The following CIB1 variants were observed in gnomAD, a reference collection of about 807,000 sequenced individuals.
The protein encoded by CIB1 is calcium and integrin-binding protein 1.
Under a neutral mutation model 25.0 loss-of-function variants are expected in CIB1, and 19 were observed. The ratio of observed to expected loss-of-function variants is 0.76; its 90% confidence interval spans 0.53 to 1.12. CIB1 has a LOEUF of 1.12. CIB1 is among the 50% of genes most tolerant of loss of function. The pLI is 0.00. For missense variants in CIB1, 236 were observed against 242.6 expected (o/e 0.97, Z 0.18); for synonymous variants, 104 against 98.5 (o/e 1.06, Z -0.33).
At chr15:90,259,373 G>T in the CIB1 span, among the ~76,000 whole-genome samples, 558 of 151,582 alleles carry the variant, frequency 3.7e-3, 7 homozygotes, top group African/African-American at 0.012. Context: ...CTGGGCAACA[G>T]AGTGAGACCC....
At chr15:90,239,594 A>G in the CIB1 span, among the ~76,000 whole-genome samples, 1 of 152,180 alleles carries the variant, frequency 6.6e-6, no homozygotes, top group African/African-American at 2.4e-5. Flanking sequence ...AACAGCATGG[A>G]GGTGACCGCC....
chr15:90,262,599 G>C, the CIB1 span: 4 of 1,534,324 alleles, frequency 2.6e-6, no homozygotes, highest in Non-Finnish European at 3.5e-6. Flanking sequence ...GGGGAGAAAA[G>C]CCGACCCAGG....
chr15:90,253,255 G>A, the CIB1 span: 14 of 1,613,486 alleles, frequency 8.7e-6, no homozygotes, highest in East Asian at 2.2e-5. Context: ...GCAGTGCGTC[G>A]GGCAGCCCAA....
At chr15:90,263,955 C>T in the CIB1 span, 3 of 1,535,486 alleles carry the variant, frequency 2.0e-6, no homozygotes, top group Non-Finnish European at 2.6e-6. Context: ...AGCCCAAGAA[C>T]TTCAACTGGA....
At chr15:90,258,530 T>G in the CIB1 span, 4 of 614,914 alleles carry the variant, frequency 6.5e-6, no homozygotes, top group Non-Finnish European at 2.9e-6. Context: ...GGACACACTA[T>G]CTAGAGAGGC....
the CIB1 span, among the ~76,000 whole-genome samples, chr15:90,249,157 G>C: frequency 4.7e-4 from 68 of 143,632 alleles, no homozygotes; most frequent in African/African-American, 1.8e-3. Flanking sequence ...GCTGCAGTGA[G>C]CTATGATGGT....
chr15:90,262,146 T>G, the CIB1 span: 2 of 1,535,704 alleles, frequency 1.3e-6, no homozygotes, highest in South Asian at 2.4e-5. Context: ...AATGGCTCCC[T>G]CTTCCAAGAG....
At chr15:90,246,778 A>G in the CIB1 span, among the ~76,000 whole-genome samples, 1 of 114,598 alleles carries the variant, frequency 8.7e-6, no homozygotes, top group African/African-American at 3.3e-5. Flanking sequence ...ACAGAGTGAG[A>G]CTCTGTCTCA....
the CIB1 span, among the ~76,000 whole-genome samples, chr15:90,256,892 T>C: frequency 6.6e-6 from 1 of 152,018 alleles, no homozygotes; most frequent in Non-Finnish European, 1.5e-5. Context: ...TTCACCATCT[T>C]GGCCAGGCTG....
At chr15:90,257,369 C>A in the CIB1 span, 1 of 1,496,676 alleles carries the variant, frequency 6.7e-7, no homozygotes, top group South Asian at 1.3e-5. Flanking sequence ...TTGTCACTGT[C>A]ACCAAAGAAC....
chr15:90,240,973 G>C, the CIB1 span: 1 of 1,613,948 alleles, frequency 6.2e-7, no homozygotes, highest in African/African-American at 1.3e-5. Context: ...GAGGACTGGG[G>C]CAGGCAAACC....
chr15:90,243,647 T>G, the CIB1 span: 1 of 43,964 alleles, frequency 2.3e-5, no homozygotes, highest in Non-Finnish European at 4.8e-5. Flanking sequence ...CAGGTTTTTT[T>G]TTTTTTTTTT....
the CIB1 span, among the ~76,000 whole-genome samples, chr15:90,249,125 T>C: frequency 1.3e-5 from 2 of 149,350 alleles, no homozygotes; most frequent in African/African-American, 5.0e-5. Flanking sequence ...GCAGGAGGAT[T>C]GCTTGAGCCC....
rs1386081001 is a variant in CIB1 at position 90,233,927 on chromosome 15, G to A, written c.-42C>T. 4.2e-6 allele frequency: 6 copies of A among 1,445,782 alleles called. No homozygotes were observed. The East Asian group carries it at 1.0e-4, about 25-fold the overall frequency. 89.6% of individuals were successfully genotyped at this position (1,445,782 alleles called of 1,614,324 possible). ...CAGCTCCGCCAACTCGCCTCGAGACGCAGACAACTTTCTCACTTCCGCCCT... is the reference window on the plus strand; with the variant it reads ...CAGCTCCGCCAACTCGCCTCGAGACACAGACAACTTTCTCACTTCCGCCCT... On this transcript the variant is annotated 5_prime_UTR_variant, in exon 1 of 7. Transcript: ENST00000328649.
chr15:90,235,368 C>T (rs995114336), upstream of CIB1, among the ~76,000 whole-genome samples: 1 of 152,114 alleles, frequency 6.6e-6, no homozygotes, highest in Non-Finnish European at 1.5e-5. Flanking sequence ...GAGTTCAAGA[C>T]CAGCATGGCC....
At chr15:90,259,834 G>A in the CIB1 span, among the ~76,000 whole-genome samples, 1 of 152,304 alleles carries the variant, frequency 6.6e-6, no homozygotes, top group East Asian at 1.9e-4. Context: ...TGTAAAATGA[G>A]TTACAAACAT....
chr15:90,233,614 G>A (rs1962559111), intron 2 of CIB1, 55 bp downstream of exon 2: 1 of 1,549,868 alleles, frequency 6.5e-7, no homozygotes, highest in South Asian at 1.2e-5. Flanking sequence ...CAGCGCCCCC[G>A]AAGCTGTCTC....
chr15:90,250,551 A>C, the CIB1 span: 18 of 1,514,560 alleles, frequency 1.2e-5, no homozygotes, highest in Non-Finnish European at 1.6e-5. Flanking sequence ...GGATTCCTTC[A>C]GGCCTTCTAG....
the CIB1 span, chr15:90,265,420 C>T: frequency 7.8e-7 from 1 of 1,280,124 alleles, no homozygotes; most frequent in African/African-American, 1.6e-5. Context: ...GCCGCTGGGG[C>T]GGAGGGACGG....
Sources: allele counts gnomAD v4.1 joint callset (sites outside exome capture counted in the v4.1 genomes callset), GRCh38; gene constraint gnomAD v4.1.1; transcripts MANE v1.5; gene names NCBI Gene and HGNC (gene_info 2026-07-23, HGNC 2026-07-21).